The following NEGR1 variants were observed in gnomAD, a reference collection of about 807,000 sequenced individuals.
NEGR1 encodes the protein IgLON family member 4.
NEGR1 carries 10 observed loss-of-function variants against 40.9 expected under a neutral mutation model. The observed-to-expected ratio is 0.24, with a 90% CI of 0.15 to 0.42. The LOEUF is 0.42. NEGR1 is among the 10% of genes least tolerant of loss of function. The pLI is 1.00. For missense variants in NEGR1, 352 were observed against 438.9 expected (o/e 0.80, Z 1.77); for synonymous variants, 185 against 166.8 (o/e 1.11, Z -0.84).
At chr1:72,120,997 G>T (rs1569997644) in intron 1 of NEGR1, among the ~76,000 whole-genome samples, 2 of 152,060 alleles carry the variant, frequency 1.3e-5, no homozygotes, top group Admixed American at 6.6e-5. Context: ...ACAAATGTTT[G>T]CACTTTTATG....
chr1:71,440,977 G>A (rs1050316072), intron 6 of NEGR1, among the ~76,000 whole-genome samples: 2 of 152,136 alleles, frequency 1.3e-5, no homozygotes, highest in Non-Finnish European at 2.9e-5. Context: ...ACAGGATAAA[G>A]CAATCAATTA....
intron 1 of NEGR1, among the ~76,000 whole-genome samples, chr1:72,280,133 G>A (rs2100570736): frequency 6.6e-6 from 1 of 152,264 alleles, no homozygotes; most frequent in South Asian, 2.1e-4. Flanking sequence ...ATGAGGTACA[G>A]AGCACACAAA....
intron 2 of NEGR1, among the ~76,000 whole-genome samples, chr1:71,780,799 A>T (rs1460206188): frequency 6.6e-6 from 1 of 152,224 alleles, no homozygotes; most frequent in Non-Finnish European, 1.5e-5. Flanking sequence ...TCTAAAGATA[A>T]CATATGTCTC....
At chr1:71,727,011 G>C (rs1654697463) in intron 3 of NEGR1, among the ~76,000 whole-genome samples, 1 of 152,016 alleles carries the variant, frequency 6.6e-6, no homozygotes, top group Non-Finnish European at 1.5e-5. Flanking sequence ...CTTTACTATG[G>C]TTAGTATGTG....
rs1164769944 is a variant in NEGR1, at chr1:71,860,491, T to A, written c.409+74588A>T. Reference sequence around the variant, plus strand: ...GTTTTGGGAAATTATAATTCAAAATTATTGTGTGTTTCATTAGAGTGACTC... The same window carrying A: ...GTTTTGGGAAATTATAATTCAAAATAATTGTGTGTTTCATTAGAGTGACTC... On this transcript the variant is annotated intron_variant, in intron 2 of 6. Coordinates refer to ENST00000357731, the MANE Select transcript of NEGR1 (RefSeq NM_173808.3). 2.0e-5 allele frequency among the ~76,000 whole-genome samples: 3 copies of A among 152,114 alleles called. No homozygotes were observed. In the East Asian group the frequency reaches 5.8e-4, roughly 29 times the overall value.
At chr1:71,531,900 C>A (rs939647047) in intron 6 of NEGR1, among the ~76,000 whole-genome samples, 1 of 150,778 alleles carries the variant, frequency 6.6e-6, no homozygotes, top group Non-Finnish European at 1.5e-5. Flanking sequence ...TGATTGATTA[C>A]AATTTGAGAT....
intron 1 of NEGR1, among the ~76,000 whole-genome samples, chr1:72,018,716 C>A (rs2100416390): frequency 6.6e-6 from 1 of 152,236 alleles, no homozygotes; most frequent in African/African-American, 2.4e-5. Context: ...TAGGGGCAAG[C>A]ATTCCAGCAG....
At chr1:72,031,398 T>G (rs1438248638) in intron 1 of NEGR1, among the ~76,000 whole-genome samples, 1 of 152,202 alleles carries the variant, frequency 6.6e-6, no homozygotes, top group Non-Finnish European at 1.5e-5. Flanking sequence ...CTTTTACTTA[T>G]TTTGGATATT....
chr1:71,797,277 C>T (rs900966575), intron 2 of NEGR1, among the ~76,000 whole-genome samples: 2 of 152,054 alleles, frequency 1.3e-5, no homozygotes, highest in Non-Finnish European at 2.9e-5. Context: ...TGATCATAAG[C>T]GGCAAGACTG....
At chr1:72,048,716 A>G (rs1048505516) in intron 1 of NEGR1, among the ~76,000 whole-genome samples, 2 of 151,638 alleles carry the variant, frequency 1.3e-5, no homozygotes, top group Non-Finnish European at 3.0e-5. Context: ...TGTGGTGATT[A>G]ATCCTATATC....
intron 2 of NEGR1, among the ~76,000 whole-genome samples, chr1:71,869,952 T>G (rs1397954142): frequency 6.6e-6 from 1 of 151,464 alleles, no homozygotes; most frequent in Non-Finnish European, 1.5e-5. Context: ...TGACTTTGGC[T>G]CACTGCAACC....
At chr1:72,234,068 G>A (rs1303666875) in intron 1 of NEGR1, among the ~76,000 whole-genome samples, 1 of 152,050 alleles carries the variant, frequency 6.6e-6, no homozygotes, top group African/African-American at 2.4e-5. Flanking sequence ...GTTATACAAA[G>A]TATTCGCTTA....
intron 2 of NEGR1, among the ~76,000 whole-genome samples, chr1:71,876,579 G>C (rs571781405): frequency 6.7e-5 from 10 of 149,816 alleles, no homozygotes; most frequent in Non-Finnish European, 1.3e-4. Flanking sequence ...AAGGATGGGA[G>C]GGAGGCAAGG....
intron 1 of NEGR1, among the ~76,000 whole-genome samples, chr1:71,982,001 T>A (rs2100340511): frequency 6.6e-6 from 1 of 152,276 alleles, no homozygotes; most frequent in East Asian, 1.9e-4. Flanking sequence ...TTGTTTGGCA[T>A]TTTTTTGTTT....
intron 1 of NEGR1, among the ~76,000 whole-genome samples, chr1:72,047,338 G>A (rs767681443): frequency 1.1e-3 from 171 of 151,378 alleles, no homozygotes; most frequent in Non-Finnish European, 2.1e-3. Context: ...AAAAAGCAGA[G>A]CAGAAATAGA....
At chr1:71,673,652 C>A (rs914648226) in intron 4 of NEGR1, among the ~76,000 whole-genome samples, 3 of 151,960 alleles carry the variant, frequency 2.0e-5, no homozygotes, top group African/African-American at 7.3e-5. Flanking sequence ...TTCAGAAATC[C>A]TCAAACAATT....
At chr1:71,674,341 C>G (rs1317294043) in intron 4 of NEGR1, among the ~76,000 whole-genome samples, 5 of 152,200 alleles carry the variant, frequency 3.3e-5, no homozygotes, top group African/African-American at 1.2e-4. Context: ...AGCATTAAAT[C>G]AATGAATCAA....
chr1:71,885,475 T>C (rs997659053), intron 2 of NEGR1, among the ~76,000 whole-genome samples: 31 of 152,182 alleles, frequency 2.0e-4, no homozygotes, highest in African/African-American at 7.2e-4. Context: ...TTAGAGTTTT[T>C]ATTATAAGGA....
chr1:71,983,502 G>A (rs1249602601), intron 1 of NEGR1, among the ~76,000 whole-genome samples: 1 of 152,128 alleles, frequency 6.6e-6, no homozygotes, highest in Non-Finnish European at 1.5e-5. Context: ...CATTTGTAGA[G>A]CAAAGCATAA....
Sources: gnomAD v4.1 joint callset for allele counts (sites outside exome capture counted in the v4.1 genomes callset) on GRCh38, gnomAD v4.1.1 for gene constraint, MANE v1.5 for transcripts, NCBI Gene and HGNC (gene_info 2026-07-23, HGNC 2026-07-21) for gene names.